ADAMTSL3: variants seen among roughly 807,000 people sequenced by gnomAD.
ADAMTSL3 encodes ADAMTS-like protein 3.
A neutral mutation model predicts 201.7 loss-of-function variants in ADAMTSL3; 128 were observed. The observed-to-expected ratio is 0.63, with a 90% CI of 0.55 to 0.73. The LOEUF is 0.73. Ranked by LOEUF, ADAMTSL3 falls within the 30% of genes least tolerant of loss-of-function variation. The pLI is 0.00. For missense variants in ADAMTSL3, 1,990 were observed against 2,119.6 expected (o/e 0.94, Z 1.20); for synonymous variants, 738 against 748.4 (o/e 0.99, Z 0.23).
chr15:83,886,874 C>T (rs1229674304), intron 10 of ADAMTSL3, among the ~76,000 whole-genome samples: 3 of 152,154 alleles, frequency 2.0e-5, no homozygotes, highest in Non-Finnish European at 4.4e-5. Flanking sequence ...ACTGGGCAGC[C>T]CAGGCCCAAG....
At chr15:83,665,042 C>T (rs916174848) in intron 2 of ADAMTSL3, among the ~76,000 whole-genome samples, 6 of 152,258 alleles carry the variant, frequency 3.9e-5, no homozygotes, top group Admixed American at 2.6e-4. Flanking sequence ...CATGGGGACA[C>T]ACTTCAGCAA....
intron 25 of ADAMTSL3, among the ~76,000 whole-genome samples, chr15:84,019,866 C>T (rs2068164218): frequency 1.4e-5 from 2 of 141,220 alleles, no homozygotes. Context: ...ACACTCCAGC[C>T]TGGGTGACAG....
At chr15:83,924,275 A>G (rs1204155579) in intron 17 of ADAMTSL3, among the ~76,000 whole-genome samples, 1 of 152,368 alleles carries the variant, frequency 6.6e-6, no homozygotes, top group Non-Finnish European at 1.5e-5. Context: ...ACGAATGAAC[A>G]TAAACTGGCC....
intron 4 of ADAMTSL3, among the ~76,000 whole-genome samples, chr15:83,781,648 T>A (rs908904303): frequency 1.1e-4 from 16 of 152,202 alleles, no homozygotes; most frequent in Middle Eastern, 3.4e-3. Context: ...AAGGAAACTA[T>A]CAATAGAGTG....
At chr15:83,704,974 G>A (rs1230057650) in intron 3 of ADAMTSL3, among the ~76,000 whole-genome samples, 1 of 151,420 alleles carries the variant, frequency 6.6e-6, no homozygotes, top group Non-Finnish European at 1.5e-5. Flanking sequence ...GAGTGTGTGT[G>A]TGTGTGTGTG....
rs532062266 is a variant in ADAMTSL3, at chr15:83,975,186, T to A, written c.2644+4549T>A. On this transcript the variant is annotated intron_variant, in intron 20 of 29. Coordinates refer to ENST00000286744, the MANE Select transcript of ADAMTSL3 (RefSeq NM_207517.3). ...CCGGCTAATTTTTTTGTATTTTTAG[T>A]AGAGACGGGGTTTCACCATGTTAGC... 5.3e-5 allele frequency among the ~76,000 whole-genome samples: 8 copies of A among 152,012 alleles called. No individual in the cohort carries two copies. The East Asian group carries it at 7.8e-4, about 15-fold the overall frequency.
chr15:83,986,808 A>G (rs995469406), intron 21 of ADAMTSL3, among the ~76,000 whole-genome samples: 3 of 152,204 alleles, frequency 2.0e-5, no homozygotes, highest in Admixed American at 6.5e-5. Context: ...GGGTGTATCA[A>G]TTAGAGATGG....
intron 2 of ADAMTSL3, among the ~76,000 whole-genome samples, chr15:83,694,755 C>A (rs1302924141): frequency 6.6e-6 from 1 of 152,190 alleles, no homozygotes; most frequent in African/African-American, 2.4e-5. Context: ...AGAGAATATT[C>A]AGACAGCAGG....
chr15:83,827,994 A>G (rs1244107550), intron 6 of ADAMTSL3, among the ~76,000 whole-genome samples: 1 of 152,166 alleles, frequency 6.6e-6, no homozygotes, highest in Non-Finnish European at 1.5e-5. Flanking sequence ...TTGTCTTGGC[A>G]ATGCAGGCTC....
chr15:83,981,071 C>T (rs776797259), intron 20 of ADAMTSL3, among the ~76,000 whole-genome samples: 1 of 152,198 alleles, frequency 6.6e-6, no homozygotes. Context: ...AGTATCTCTT[C>T]TGCCACTCAC....
intron 2 of ADAMTSL3, among the ~76,000 whole-genome samples, chr15:83,686,340 A>T (rs1412162078): frequency 6.6e-6 from 1 of 152,228 alleles, no homozygotes; most frequent in Admixed American, 6.5e-5. Flanking sequence ...TAATGATGAG[A>T]TATCATCCAA....
chr15:83,714,754 C>CCTTA (rs113400955), intron 3 of ADAMTSL3, among the ~76,000 whole-genome samples: 1 of 117,400 alleles, frequency 8.5e-6, no homozygotes, highest in Admixed American at 9.5e-5. Flanking sequence ...TTCCTTCCTT[C>CCTTA]CCTTTTCTCT....
At chr15:83,692,086 A>G (rs955001203) in intron 2 of ADAMTSL3, among the ~76,000 whole-genome samples, 1 of 151,928 alleles carries the variant, frequency 6.6e-6, no homozygotes, top group African/African-American at 2.4e-5. Flanking sequence ...TGGATCATAG[A>G]CTGTAGTTTG....
chr15:83,823,904 CTTCTTCT>C (rs2063941120), intron 6 of ADAMTSL3, among the ~76,000 whole-genome samples: 1 of 32,796 alleles, frequency 3.0e-5, no homozygotes, highest in Non-Finnish European at 8.2e-5. Context: ...TCTTCTTCTT[CTTCTTCT>C]TCTTCTTCTT....
rs530742534 is a variant in ADAMTSL3 at position 83,791,577 on chromosome 15, C to T, written c.318-13073C>T. Among the ~76,000 whole-genome samples, 83 of 152,176 alleles carry T rather than the reference C, an allele frequency of 5.5e-4. 1 individual carries two copies. The highest frequency in any genetic ancestry group is 1.9e-3 in the African/African-American group (79 of 41,522). On this transcript the variant is annotated intron_variant, in intron 4 of 29. Coordinates refer to ENST00000286744, the MANE Select transcript of ADAMTSL3 (RefSeq NM_207517.3). ...CATACCATATAGAAAAATCAACTAA[C>T]GCCAGGCGCAGTGGCTCACGCCTGT... is the stretch of plus-strand genomic sequence containing the variant.
rs922043063 is a variant in ADAMTSL3 at position 83,910,639 on chromosome 15, T to C, written c.1701-2453T>C. 2.2e-4 allele frequency among the ~76,000 whole-genome samples: 33 copies of C among 147,116 alleles called. No individual in the cohort carries two copies. In the Middle Eastern group the frequency reaches 0.014, roughly 62 times the overall value. ...CTGCTGGGAGTTTAGGTGAACCTTT[T>C]TTTTTTTTTTTTTGAGATGGAGTCT... On this transcript the variant is annotated intron_variant, in intron 15 of 29. Transcript: ENST00000286744.
intron 15 of ADAMTSL3, among the ~76,000 whole-genome samples, chr15:83,910,798 C>A (rs891989089): frequency 6.7e-6 from 1 of 150,040 alleles, no homozygotes; most frequent in Non-Finnish European, 1.5e-5. Flanking sequence ...CCATGACTGG[C>A]TAATTTTTTT....
intron 17 of ADAMTSL3, among the ~76,000 whole-genome samples, chr15:83,926,730 C>G (rs900927094): frequency 5.3e-5 from 8 of 151,838 alleles, no homozygotes; most frequent in Non-Finnish European, 1.2e-4. Context: ...ATTCTCCTGC[C>G]TCAGCCTCCT....
At chr15:83,915,708 T>C (rs1383140992) in intron 16 of ADAMTSL3, among the ~76,000 whole-genome samples, 1 of 152,208 alleles carries the variant, frequency 6.6e-6, no homozygotes. Flanking sequence ...AAACCACTAC[T>C]GTCTATTATG....
Sources: gnomAD v4.1 joint callset for allele counts (sites outside exome capture counted in the v4.1 genomes callset) on GRCh38, gnomAD v4.1.1 for gene constraint, MANE v1.5 for transcripts, NCBI Gene and HGNC (gene_info 2026-07-23, HGNC 2026-07-21) for gene names.